The following CNTN4 variants were observed in gnomAD, a reference collection of about 807,000 sequenced individuals.
The protein encoded by CNTN4 is contactin-4.
In CNTN4, 77 loss-of-function variants were observed where a neutral mutation model predicts 122.5. The ratio of observed to expected loss-of-function variants is 0.63; its 90% CI spans 0.52 to 0.76. CNTN4 has a LOEUF of 0.76. Among genes scored for constraint, CNTN4 ranks in the 30% least tolerant of loss-of-function variants. The pLI is 0.00. For missense variants in CNTN4, 1,256 were observed against 1,259.1 expected (o/e 1.00, Z 0.04); for synonymous variants, 512 against 447.0 (o/e 1.15, Z -1.83).
intron 15 of CNTN4, among the ~76,000 whole-genome samples, chr3:3,029,702 TG>T (rs1178415479): frequency 6.6e-6 from 1 of 152,206 alleles, no homozygotes; most frequent in African/African-American, 2.4e-5. Flanking sequence ...ATCCTGGCTC[TG>T]CCATTTTCTA....
At chr3:2,286,120 A>T (rs2149940416) in intron 2 of CNTN4, among the ~76,000 whole-genome samples, 1 of 152,010 alleles carries the variant, frequency 6.6e-6, no homozygotes, top group African/African-American at 2.4e-5. Flanking sequence ...CATTTTTATA[A>T]GCAAAAATGG....
chr3:2,768,723 T>G (rs188347629), intron 6 of CNTN4, among the ~76,000 whole-genome samples: 118 of 152,368 alleles, frequency 7.7e-4, no homozygotes, highest in Non-Finnish European at 2.8e-4. Context: ...GCCAGCACTT[T>G]ATGCCTTGAA....
intron 13 of CNTN4, among the ~76,000 whole-genome samples, chr3:2,967,796 G>A (rs940649176): frequency 1.3e-5 from 2 of 151,044 alleles, no homozygotes; most frequent in Admixed American, 1.3e-4. Flanking sequence ...GTCTAAATCT[G>A]GAAAGAAAGG....
chr3:2,326,339 C>T (rs1185272756), intron 2 of CNTN4, among the ~76,000 whole-genome samples: 1 of 152,150 alleles, frequency 6.6e-6, no homozygotes, highest in Non-Finnish European at 1.5e-5. Flanking sequence ...AATACAGCAT[C>T]TCACGTCTAC....
chr3:2,191,171 C>T (rs997392175), intron 2 of CNTN4, among the ~76,000 whole-genome samples: 10 of 151,950 alleles, frequency 6.6e-5, no homozygotes, highest in South Asian at 2.1e-4. Flanking sequence ...TGGGCTCAAG[C>T]GATCCTCCTG....
chr3:2,849,502 A>G (rs1195655083), intron 7 of CNTN4, among the ~76,000 whole-genome samples: 3 of 152,140 alleles, frequency 2.0e-5, no homozygotes, highest in African/African-American at 7.2e-5. Context: ...TGACTTCTGG[A>G]TTTTTGCTTT....
intron 2 of CNTN4, among the ~76,000 whole-genome samples, chr3:2,215,805 C>T (rs962107232): frequency 2.1e-5 from 3 of 139,582 alleles, no homozygotes; most frequent in Non-Finnish European, 4.5e-5. Context: ...ATCACTTGAA[C>T]CCAGGATTTA....
intron 4 of CNTN4, among the ~76,000 whole-genome samples, chr3:2,647,446 AG>A (rs1402687992): frequency 6.6e-6 from 1 of 152,116 alleles, no homozygotes; most frequent in African/African-American, 2.4e-5. Context: ...CCTTATCTCA[AG>A]GTCTTGGCCC....
intron 4 of CNTN4, among the ~76,000 whole-genome samples, chr3:2,573,635 A>G (rs2079526725): frequency 6.6e-6 from 1 of 152,218 alleles, no homozygotes; most frequent in Non-Finnish European, 1.5e-5. Context: ...AAAATCAAGA[A>G]AGCCACTACT....
rs148837563 is a variant in CNTN4, at chr3:2,164,858, A to C, written c.-145+64219A>C. ...GTATTCTGCAAATGTACTGTTTAAA[A>C]AAAACAAAACAAAACAAAAGGAGGT... On this transcript the variant is annotated intron_variant, in intron 2 of 24. Coordinates refer to ENST00000418658, the MANE Select transcript of CNTN4 (RefSeq NM_175607.3). Among the ~76,000 whole-genome samples, 1,128 of 152,334 alleles carry C rather than the reference A, an allele frequency of 7.4e-3. 16 individuals are homozygous for C. Among genetic ancestry groups the C allele is most frequent in the African/African-American group, 0.025 (1,060 of 41,570 alleles).
chr3:2,824,206 C>T (rs2092937680), intron 7 of CNTN4, among the ~76,000 whole-genome samples: 1 of 151,120 alleles, frequency 6.6e-6, no homozygotes, highest in African/African-American at 2.4e-5. Flanking sequence ...CACCTGTAAT[C>T]CCAGCACTTT....
chr3:2,601,452 T>C (rs2081042950), intron 4 of CNTN4, among the ~76,000 whole-genome samples: 1 of 152,184 alleles, frequency 6.6e-6, no homozygotes, highest in Non-Finnish European at 1.5e-5. Flanking sequence ...CTTTATTAAA[T>C]AGGGAATCCT....
chr3:2,642,019 G>C (rs949876722), intron 4 of CNTN4, among the ~76,000 whole-genome samples: 1 of 152,204 alleles, frequency 6.6e-6, no homozygotes, highest in Non-Finnish European at 1.5e-5. Flanking sequence ...TAATAGGATA[G>C]ATGTGTGTAT....
chr3:2,104,769 A>G (rs2032292575), intron 2 of CNTN4, among the ~76,000 whole-genome samples: 1 of 152,202 alleles, frequency 6.6e-6, no homozygotes, highest in Non-Finnish European at 1.5e-5. Context: ...GGTTTGGTAA[A>G]TAACTAGCCA....
In CNTN4 at chr3:3,030,884, A is replaced by G. The variant is rs766592197; in HGVS notation, c.1692A>G (p.Arg564=). The part of the protein sequence containing the change: ...GQDSAGDLMI[R]NIQLKHAGKY... ...ATTCAGCTGGTGATTTGATGATCCG[A>G]AACATCCAACTGAAGCATGCTGGGA... The change falls in exon 16 of 25, where the codon CGA becomes CGG. Residue 564 remains arginine, a synonymous_variant. Coordinates refer to ENST00000418658, the MANE Select transcript of CNTN4 (RefSeq NM_175607.3). 1 of 1,614,112 alleles carries G rather than the reference A, an allele frequency of 6.2e-7. No individual in the cohort carries two copies. The highest frequency in any genetic ancestry group is 1.1e-5 in the South Asian group (1 of 91,084).
chr3:2,408,754 A>G (rs1366169476), intron 3 of CNTN4, among the ~76,000 whole-genome samples: 1 of 152,196 alleles, frequency 6.6e-6, no homozygotes, highest in Non-Finnish European at 1.5e-5. Context: ...TAGCTTCATC[A>G]TAGAATAAAA....
intron 12 of CNTN4, among the ~76,000 whole-genome samples, chr3:2,907,902 T>C (rs1293297137): frequency 6.6e-6 from 1 of 152,256 alleles, no homozygotes. Context: ...GACTTTTATC[T>C]TGAGGTCAGT....
At chr3:3,053,693 C>T in intron 23 of CNTN4, 114 bp from the exon 24 acceptor site, 1 of 1,033,714 alleles carries the variant, frequency 9.7e-7, no homozygotes, top group South Asian at 1.3e-5. Context: ...GGCAGCCAGA[C>T]AACCTCTACA....
At chr3:2,250,314 C>G (rs2040326175) in intron 2 of CNTN4, among the ~76,000 whole-genome samples, 1 of 151,860 alleles carries the variant, frequency 6.6e-6, no homozygotes, top group Non-Finnish European at 1.5e-5. Context: ...CCCAGATTTT[C>G]TGAATCATGG....
Sources: gnomAD v4.1 joint callset for allele counts (sites outside exome capture counted in the v4.1 genomes callset) on GRCh38, gnomAD v4.1.1 for gene constraint, MANE v1.5 for transcripts, NCBI Gene and HGNC (gene_info 2026-07-23, HGNC 2026-07-21) for gene names.